ADAMTSL2: variants seen among roughly 807,000 people sequenced by gnomAD.
ADAMTSL2 encodes ADAMTS-like protein 2.
A neutral mutation model predicts 117.0 loss-of-function variants in ADAMTSL2; 55 were observed. The observed-to-expected ratio is 0.47, with a 90% CI of 0.38 to 0.59. The LOEUF (loss-of-function observed/expected upper bound fraction) is 0.59. Ranked by LOEUF, ADAMTSL2 falls within the 20% of genes least tolerant of loss-of-function variation. ADAMTSL2 has a pLI of 0.00. For missense variants in ADAMTSL2, 1,182 were observed against 1,354.5 expected (o/e 0.87, Z 2.00); for synonymous variants, 572 against 566.4 (o/e 1.01, Z -0.14).
chr9:133,541,760 T>C (rs1425808944), intron 7 of ADAMTSL2, among the ~76,000 whole-genome samples: 1 of 152,232 alleles, frequency 6.6e-6, no homozygotes, highest in Admixed American at 6.5e-5. Flanking sequence ...ACCTGTCCCC[T>C]TCCTAAGCTG....
In ADAMTSL2 at chr9:133,570,339, C is replaced by A. The variant is rs1357321586; in HGVS notation, c.2424C>A (p.Thr808=). Residue 808 remains threonine, a synonymous_variant, in exon 17 of 19, where the codon ACC becomes ACA. Coordinates refer to ENST00000651351, the MANE Select transcript of ADAMTSL2 (RefSeq NM_014694.4). ...WLAQDWERCN[T]TCGRGVKKRL... ...CTCTGCCCCGGCCTCAGTGCAACACCACCTGCGGGCGCGGGGTCAAGAAGC... is the reference window on the plus strand; with the variant it reads ...CTCTGCCCCGGCCTCAGTGCAACACAACCTGCGGGCGCGGGGTCAAGAAGC... 4 of 1,545,332 alleles carry A rather than the reference C, an allele frequency of 2.6e-6. No individual in the cohort carries two copies. In the African/African-American group the frequency reaches 5.5e-5, roughly 21 times the overall value.
intron 8 of ADAMTSL2, 115 bp from the exon 9 acceptor site, chr9:133,546,923 A>G (rs2131118028): frequency 1.9e-6 from 2 of 1,080,162 alleles, no homozygotes; most frequent in South Asian, 2.5e-5. Flanking sequence ...CTGTCTCGGG[A>G]GCATTTGAGC....
rs373540131 is a variant in ADAMTSL2, at chr9:133,551,305, CA to C, written c.940-3051del. Among the ~76,000 whole-genome samples, 11 of 125,784 alleles carry C rather than the reference CA, an allele frequency of 8.7e-5. 1 individual carries two copies. Among genetic ancestry groups the C allele is most frequent in the Admixed American group, 2.4e-4 (3 of 12,390 alleles). The allele number at this position is 125,784 out of a possible 152,430, so 82.5% of individuals were successfully genotyped here. ...TCCCTTCATCATAAGGGCCCCCCCA[CA>C]CACAGCCATAGCTGCGAGCTGGAAA... On this transcript the variant is annotated intron_variant, in intron 9 of 18. Transcript: ENST00000651351.
Position 133,569,500 on chromosome 9 carries a change from G to A in ADAMTSL2, c.2337G>A (p.Met779Ile). 2 of 1,612,450 alleles carry A rather than the reference G, an allele frequency of 1.2e-6. No homozygotes were observed. The highest frequency in any genetic ancestry group is 1.3e-5 in the African/African-American group (1 of 75,050). The change falls in exon 16 of 19, where the codon ATG becomes ATA. Residue 779 changes from methionine to isoleucine, a missense_variant. Coordinates refer to ENST00000651351, the MANE Select transcript of ADAMTSL2 (RefSeq NM_014694.4). Reference sequence around the variant, plus strand: ...TAGTACCTGAGTCCCAGTGCCAGATGGAGACCAAGCCTCTGGCCATCCACC... The same window carrying A: ...TAGTACCTGAGTCCCAGTGCCAGATAGAGACCAAGCCTCTGGCCATCCACC... ...GRVVPESQCQ[M>I]ETKPLAIHPC... is the part of the protein sequence containing the mutation.
Position 133,555,746 on chromosome 9 carries a change from A to G in ADAMTSL2, c.1465A>G (p.Ser489Gly). 6.2e-7 allele frequency: 1 copy of G among 1,613,954 alleles called. No homozygotes were observed. Among genetic ancestry groups the G allele is most frequent in the South Asian group, 1.1e-5 (1 of 91,086 alleles). Reference sequence around the variant, plus strand: ...CATCTTTGCACAGGGCGCCCCAAGGAGCTCCCTGGCCGAGAGCTTCTTCGT... The same window carrying G: ...CATCTTTGCACAGGGCGCCCCAAGGGGCTCCCTGGCCGAGAGCTTCTTCGT... ...NSIFAQGAPR[S>G]SLAESFFVDY... The change falls in exon 11 of 19, where the codon AGC becomes GGC. Residue 489 changes from serine (S) to glycine (G), a missense_variant. By Grantham distance (56) the Ser-to-Gly change is moderately conservative. Transcript: ENST00000651351.
In ADAMTSL2 at chr9:133,534,865, T is replaced by G. The variant is rs2131083590; in HGVS notation, c.-203T>G. ...ACAGCGCACCTGGCGCCGTCTGCCC[T>G]CCGCAGCGCTCGCCCCTTTCTCTGG... On this transcript the variant is annotated 5_prime_UTR_variant, in exon 1 of 19. Transcript: ENST00000651351. 1.1e-5 allele frequency: 16 copies of G among 1,484,986 alleles called. No individual in the cohort carries two copies. The highest frequency in any genetic ancestry group is 1.4e-5 in the African/African-American group (1 of 69,234). The allele number at this position is 1,484,986 out of a possible 1,614,324, so 92.0% of individuals were successfully genotyped here. A position where few individuals can be genotyped will look rare whatever the true frequency, so the allele number is the denominator to read the frequency against.
At chr9:133,540,554 T>C (rs1198761618) in intron 5 of ADAMTSL2, 44 bp from the exon 6 acceptor site, 1 of 1,609,230 alleles carries the variant, frequency 6.2e-7, no homozygotes. Flanking sequence ...AATCCGGCAT[T>C]TCCTGCCCCG....
chr9:133,572,183 C>T (rs1450384076), intron 17 of ADAMTSL2, among the ~76,000 whole-genome samples: 2 of 149,686 alleles, frequency 1.3e-5, no homozygotes, highest in Non-Finnish European at 3.0e-5. Context: ...CCACCCCCCA[C>T]CCCCCACCCC....
At chr9:133,555,486 C>T (rs1830583827) in intron 10 of ADAMTSL2, 72 bp from the exon 11 acceptor site, 1 of 1,596,452 alleles carries the variant, frequency 6.3e-7, no homozygotes, top group Non-Finnish European at 8.6e-7. Flanking sequence ...TCGTCCAGGT[C>T]CCCTCCCCAG....
At chr9:133,572,856 CA>C (rs1194443483) in intron 17 of ADAMTSL2, among the ~76,000 whole-genome samples, 7 of 152,290 alleles carry the variant, frequency 4.6e-5, no homozygotes, top group Non-Finnish European at 1.0e-4. Context: ...ATCCACTCCC[CA>C]GGGGCAGAGG....
At chr9:133,574,665 C>T (rs377608493) in intron 18 of ADAMTSL2, 81 bp from the exon 19 acceptor site, 58 of 1,233,790 alleles carry the variant, frequency 4.7e-5, no homozygotes, top group African/African-American at 4.6e-4. Flanking sequence ...CCCTGGAAAA[C>T]GGCACGTGGG....
At position 133,540,689 on chromosome 9, in the gene ADAMTSL2, C is replaced by A; in HGVS notation, c.504C>A (p.Gly168=). The change falls in exon 6 of 19, where the codon GGC becomes GGA. Residue 168 remains glycine, a synonymous_variant. Transcript: ENST00000651351. ...AGCTCATGGTCCCCGCCCGCGACGG[C>A]ACATCCTGCAAGCTCACTGACCTGC... is the stretch of plus-strand genomic sequence containing the variant. ...QRQLMVPARD[G]TSCKLTDLRG... The A allele has an allele frequency of 6.2e-7, 1 of 1,613,854 alleles. No individual in the cohort carries two copies. The highest frequency in any genetic ancestry group is 8.5e-7 in the Non-Finnish European group (1 of 1,180,048).
At chr9:133,573,715 A>G in intron 17 of ADAMTSL2, 128 bp from the exon 18 acceptor site, 1 of 1,140,040 alleles carries the variant, frequency 8.8e-7, no homozygotes, top group Non-Finnish European at 1.3e-6. Context: ...GTCCTGTGTC[A>G]GTTGGGACTC....
chr9:133,565,244 A>T (rs1830938999), intron 12 of ADAMTSL2, among the ~76,000 whole-genome samples: 1 of 152,148 alleles, frequency 6.6e-6, no homozygotes, highest in African/African-American at 2.4e-5. Context: ...ACGTCCTGGC[A>T]TTTGATTCTC....
In ADAMTSL2 at chr9:133,561,158, G is replaced by C. The variant is rs1588298867; in HGVS notation, c.1650-40G>C. 24 of 1,539,956 alleles carry C rather than the reference G, an allele frequency of 1.6e-5. No homozygotes were observed. The East Asian group carries it at 5.4e-4, about 34-fold the overall frequency. On this transcript the variant is annotated intron_variant, in intron 11 of 18. Transcript: ENST00000651351. ...AAGCCGGAGCCTGCCGGTGGGGCCT[G>C]GAGCGTCTCATCACCTTCCCTGCTT...
Position 133,573,996 on chromosome 9 carries a change from C to T in ADAMTSL2, c.2737+9C>T, listed in dbSNP as rs979750268. 1.4e-5 allele frequency: 22 copies of T among 1,609,954 alleles called. No homozygotes were observed. The highest frequency in any genetic ancestry group is 1.2e-4 in the South Asian group (11 of 90,624). ...CCCCACGGAGCCCCCAGGTGAGGCG[C>T]GGGGAGGCCGAGGGTGGCTCTGGGA... On this transcript the variant is annotated intron_variant, in intron 18 of 18. Transcript: ENST00000651351.
intron 7 of ADAMTSL2, among the ~76,000 whole-genome samples, chr9:133,543,550 G>A (rs1002750559): frequency 6.6e-6 from 1 of 152,214 alleles, no homozygotes; most frequent in African/African-American, 2.4e-5. Context: ...GGCTGTCTGT[G>A]AGGGACAGGT....
At chr9:133,539,436 G>A (rs542177723) in intron 4 of ADAMTSL2, among the ~76,000 whole-genome samples, 1 of 152,334 alleles carries the variant, frequency 6.6e-6, no homozygotes, top group African/African-American at 2.4e-5. Context: ...TGAGGACACG[G>A]GCGAGGGGAG....
chr9:133,536,580 C>A lies in ADAMTSL2; in HGVS notation c.-133C>A. The A allele has an allele frequency of 6.3e-7, 1 of 1,594,874 alleles. No homozygotes were observed. The highest frequency in any genetic ancestry group is 1.1e-5 in the South Asian group (1 of 89,164). On this transcript the variant is annotated 5_prime_UTR_variant, in exon 2 of 19. Coordinates refer to ENST00000651351, the MANE Select transcript of ADAMTSL2 (RefSeq NM_014694.4). The stretch of plus-strand genomic sequence containing the variant: ...CCCAACAGGGTCTGCCAGACAACCA[C>A]GACCAACTAGTCCCAGATAACCTTG...
Sources: gnomAD v4.1 joint callset for allele counts (sites outside exome capture counted in the v4.1 genomes callset) on GRCh38, gnomAD v4.1.1 for gene constraint, MANE v1.5 for transcripts, NCBI Gene and HGNC (gene_info 2026-07-23, HGNC 2026-07-21) for gene names.